RAD51B: variants seen among roughly 807,000 people sequenced by gnomAD.
RAD51B encodes the protein RAD51 paralog B.
A neutral mutation model predicts 42.2 loss-of-function variants in RAD51B; 38 were observed. The ratio of observed to expected loss-of-function variants is 0.90; its 90% confidence interval spans 0.70 to 1.18. The LOEUF is 1.18. Among genes scored for constraint, RAD51B ranks in the 50% most tolerant of loss-of-function variants. The pLI is 0.00. For synonymous variants in RAD51B, 154 were observed against 145.2 expected, an observed-to-expected ratio of 1.06 and a Z score of -0.43; for missense variants, 373 against 400.7, an observed-to-expected ratio of 0.93 and a Z score of 0.59.
At chr14:68,524,632 C>G (rs966262685) in intron 10 of RAD51B, among the ~76,000 whole-genome samples, 1 of 152,200 alleles carries the variant, frequency 6.6e-6, no homozygotes, top group Non-Finnish European at 1.5e-5. Flanking sequence ...CTCACGTTCT[C>G]CTACAAACTG....
rs189270803 is a variant in RAD51B at position 67,869,201 on chromosome 14, G to A, written c.452+4062G>A. Among the ~76,000 whole-genome samples the A allele has an allele frequency of 8.2e-3, 1,244 of 152,270 alleles. 13 individuals carry two copies. Among genetic ancestry groups the A allele is most frequent in the African/African-American group, 0.028 (1,171 of 41,536 alleles). On this transcript the variant is annotated intron_variant, in intron 5 of 10. Coordinates refer to ENST00000471583, the MANE Select transcript of RAD51B (RefSeq NM_133510.4). ...TGAAAACTTTGAAAAAAATTTAGAA[G>A]AATGTATAACTAGAATAACCAAGAC... is the stretch of plus-strand genomic sequence containing the variant.
intron 9 of RAD51B, chr14:68,421,993 T>G (rs2084712755): frequency 6.5e-7 from 1 of 1,529,292 alleles, no homozygotes; most frequent in Non-Finnish European, 9.1e-7. Flanking sequence ...TTATGGTGAC[T>G]TCACAGTCAC....
intron 7 of RAD51B, among the ~76,000 whole-genome samples, chr14:68,015,304 A>C (rs752445411): frequency 6.6e-6 from 1 of 152,178 alleles, no homozygotes; most frequent in Admixed American, 6.6e-5. Context: ...TATGATGGGG[A>C]TACAAAGGTG....
At chr14:67,858,671 CAA>C (rs935545583) in intron 4 of RAD51B, among the ~76,000 whole-genome samples, 24 of 152,194 alleles carry the variant, frequency 1.6e-4, no homozygotes, top group African/African-American at 5.8e-4. Flanking sequence ...AACAGGAAGA[CAA>C]GTTCTCACTC....
At chr14:68,609,192 G>A (rs571108747) in intron 10 of RAD51B, among the ~76,000 whole-genome samples, 29 of 152,224 alleles carry the variant, frequency 1.9e-4, no homozygotes, top group South Asian at 1.2e-3. Flanking sequence ...GGCCTGCCCC[G>A]AGGGCCCCTC....
At chr14:68,562,902 AGCCCATT>A in intron 10 of RAD51B, 1 of 985,434 alleles carries the variant, frequency 1.0e-6, no homozygotes. Flanking sequence ...TTCTGGATGG[AGCCCATT>A]GCCTCCACAT....
intron 7 of RAD51B, among the ~76,000 whole-genome samples, chr14:67,959,587 T>C (rs570051543): frequency 1.3e-5 from 2 of 152,274 alleles, no homozygotes; most frequent in South Asian, 4.1e-4. Context: ...TGAAAAATAA[T>C]GGTAAGCCGG....
intron 7 of RAD51B, among the ~76,000 whole-genome samples, chr14:68,118,791 G>GTA (rs2077592969): frequency 6.6e-6 from 1 of 151,956 alleles, no homozygotes. Context: ...TTGTGTGCAT[G>GTA]TGTATGTGTG....
At position 67,848,380 on chromosome 14, in the gene RAD51B, G is replaced by A. The variant is rs1438565147; in HGVS notation, c.315+13184G>A. ...TCTTTCTTAGTCGTTATGGTTTAAAGTCTGTTTTATCTGGTATAAGAATAG... is the reference window on the plus strand; with the variant it reads ...TCTTTCTTAGTCGTTATGGTTTAAAATCTGTTTTATCTGGTATAAGAATAG... On this transcript the variant is annotated intron_variant, in intron 4 of 10. Coordinates refer to ENST00000471583, the MANE Select transcript of RAD51B (RefSeq NM_133510.4). Among the ~76,000 whole-genome samples the A allele has an allele frequency of 5.3e-5, 8 of 152,114 alleles. 1 individual carries two copies. The East Asian group carries it at 1.5e-3, about 29-fold the overall frequency.
chr14:68,055,954 G>A (rs551579674), intron 7 of RAD51B, among the ~76,000 whole-genome samples: 65 of 152,208 alleles, frequency 4.3e-4, no homozygotes, highest in African/African-American at 1.5e-3. Context: ...TTGGAGGCTG[G>A]GTTTTAGTGT....
chr14:68,585,689 C>T (rs2140067249), intron 10 of RAD51B, among the ~76,000 whole-genome samples: 1 of 150,718 alleles, frequency 6.6e-6, no homozygotes, highest in South Asian at 2.1e-4. Context: ...CCACCCCGAC[C>T]CCGGGTGTCC....
At chr14:68,604,443 AG>A (rs752733117) in intron 10 of RAD51B, among the ~76,000 whole-genome samples, 5 of 152,200 alleles carry the variant, frequency 3.3e-5, no homozygotes, top group Non-Finnish European at 7.3e-5. Context: ...GTGTCCCGCC[AG>A]TGGCTGCACC....
intron 7 of RAD51B, among the ~76,000 whole-genome samples, chr14:67,903,487 CAT>C (rs2043680194): frequency 6.6e-6 from 1 of 151,992 alleles, no homozygotes; most frequent in Non-Finnish European, 1.5e-5. Flanking sequence ...GGATATAAAA[CAT>C]ATTTTTAAAA....
At chr14:68,573,022 C>T (rs1230066348) in intron 10 of RAD51B, among the ~76,000 whole-genome samples, 2 of 152,124 alleles carry the variant, frequency 1.3e-5, no homozygotes, top group African/African-American at 2.4e-5. Flanking sequence ...GGAATCAAAC[C>T]CAGGCCAGGG....
intron 7 of RAD51B, among the ~76,000 whole-genome samples, chr14:68,026,163 T>A (rs2075953709): frequency 6.6e-6 from 1 of 152,124 alleles, no homozygotes; most frequent in Admixed American, 6.5e-5. Flanking sequence ...TTTTGAGAGA[T>A]CTTGTTGGTG....
At chr14:68,238,332 G>A (rs1362347547) in intron 7 of RAD51B, among the ~76,000 whole-genome samples, 3 of 152,040 alleles carry the variant, frequency 2.0e-5, no homozygotes, top group African/African-American at 7.2e-5. Flanking sequence ...ATGAGGTCTT[G>A]CTCTGTCGCC....
chr14:68,595,339 A>C, exon 11 of RAD51B: 1 of 1,066,476 alleles, frequency 9.4e-7, no homozygotes, highest in Non-Finnish European at 1.1e-6. Flanking sequence ...GAAGAAAAGA[A>C]GACCAGGGCC....
chr14:68,314,499 C>T (rs2082019304), intron 8 of RAD51B, among the ~76,000 whole-genome samples: 2 of 152,174 alleles, frequency 1.3e-5, no homozygotes, highest in South Asian at 4.1e-4. Context: ...GGCTGCTGAT[C>T]ATTCAGCCCC....
At position 68,544,598 on chromosome 14, in the gene RAD51B, T is replaced by C. The variant is rs1395243088; in HGVS notation, c.1037-49887T>C. On this transcript the variant is annotated intron_variant, in intron 10 of 10. Transcript: ENST00000487270. ...AAATCTGAAATGGCCCCTAAAGAGA[T>C]AGGACTAATGAAATGCTCAGGTCAG... 2.6e-5 allele frequency among the ~76,000 whole-genome samples: 4 copies of C among 152,058 alleles called. 1 individual carries two copies. The highest frequency in any genetic ancestry group is 2.6e-4 in the Admixed American group (4 of 15,262).
Sources: gnomAD v4.1 joint callset for allele counts (sites outside exome capture counted in the v4.1 genomes callset) on GRCh38, gnomAD v4.1.1 for gene constraint, MANE v1.5 for transcripts, NCBI Gene and HGNC (gene_info 2026-07-23, HGNC 2026-07-21) for gene names.